PSD3: variants seen among roughly 807,000 people sequenced by gnomAD.
The protein encoded by PSD3 is pleckstrin and Sec7 domain containing 3.
PSD3 carries 49 observed loss-of-function variants against 105.5 expected under a neutral mutation model. The observed-to-expected ratio is 0.46, with a 90% confidence interval of 0.37 to 0.59. The LOEUF (loss-of-function observed/expected upper bound fraction) is 0.59, where lower values mean the gene tolerates loss of function less well. Among genes scored for constraint, PSD3 ranks in the 20% least tolerant of loss-of-function variants. PSD3 has a pLI of 0.00. For missense variants in PSD3, 1,561 were observed against 1,263.8 expected (o/e 1.24, Z -3.57); for synonymous variants, 557 against 457.8 (o/e 1.22, Z -2.77).
chr8:18,572,957 T>G (rs1241485457), intron 13 of PSD3, among the ~76,000 whole-genome samples: 1 of 152,176 alleles, frequency 6.6e-6, no homozygotes, highest in Non-Finnish European at 1.5e-5. Context: ...TACTTTCTGT[T>G]TGATACGAGG....
intron 4 of PSD3, among the ~76,000 whole-genome samples, chr8:18,838,388 A>G (rs1814310246): frequency 6.6e-6 from 1 of 152,222 alleles, no homozygotes; most frequent in Admixed American, 6.5e-5. Flanking sequence ...CTGCTTTACA[A>G]AAGCATTTCT....
At chr8:19,066,753 C>G (rs1450983700) in intron 1 of PSD3, among the ~76,000 whole-genome samples, 1 of 152,194 alleles carries the variant, frequency 6.6e-6, no homozygotes, top group Non-Finnish European at 1.5e-5. Flanking sequence ...CAAACATTAA[C>G]TGAAATAATG....
intron 9 of PSD3, among the ~76,000 whole-genome samples, chr8:18,666,216 T>G (rs1329734658): frequency 6.6e-6 from 1 of 152,290 alleles, no homozygotes; most frequent in East Asian, 1.9e-4. Flanking sequence ...GTGTCCTGTT[T>G]ATTTTTGTAT....
intron 1 of PSD3, among the ~76,000 whole-genome samples, chr8:19,081,323 A>G (rs897562428): frequency 1.3e-5 from 2 of 152,174 alleles, no homozygotes; most frequent in African/African-American, 4.8e-5. Flanking sequence ...CCTCTCCACC[A>G]GAGGAATTAG....
chr8:19,015,532 A>G (rs1173556620), upstream of PSD3, among the ~76,000 whole-genome samples: 1 of 152,210 alleles, frequency 6.6e-6, no homozygotes, highest in Admixed American at 6.5e-5. Flanking sequence ...AAGACCCAGT[A>G]CAAAATGTAG....
intron 1 of PSD3, among the ~76,000 whole-genome samples, chr8:19,070,385 A>C (rs77396384): frequency 0.26 from 36,177 of 138,810 alleles, 5,551 homozygotes; most frequent in South Asian, 0.36. Flanking sequence ...AAAAAAAAAA[A>C]CCCACAAAAA....
chr8:18,765,709 G>A (rs1382154809), intron 8 of PSD3, among the ~76,000 whole-genome samples, 171 bp from the exon 9 acceptor site: 5 of 152,026 alleles, frequency 3.3e-5, no homozygotes, highest in South Asian at 2.1e-4. Flanking sequence ...GGTGGATCAC[G>A]AGGTCAGGAG....
In PSD3 at chr8:18,876,602, G is replaced by C. The variant is rs577109851; in HGVS notation, c.131-3869C>G. Among the ~76,000 whole-genome samples, 5 of 152,064 alleles carry C rather than the reference G, an allele frequency of 3.3e-5. No individual in the cohort carries two copies. The East Asian group carries it at 9.7e-4, about 29-fold the overall frequency. Reference sequence around the variant, plus strand: ...TTTGGCAGAGATGGGGTTCCACCATGTTGCCCAGGCTAGTCTTGAACTCCT... The same window carrying C: ...TTTGGCAGAGATGGGGTTCCACCATCTTGCCCAGGCTAGTCTTGAACTCCT... On this transcript the variant is annotated intron_variant, in intron 2 of 15. Transcript: ENST00000327040.
At position 19,008,228 on chromosome 8, in the gene PSD3, G is replaced by A. The variant is rs147448580; in HGVS notation, c.21+5335C>T. 8.0e-3 allele frequency among the ~76,000 whole-genome samples: 1,221 copies of A among 151,780 alleles called. 15 individuals carry two copies. The highest frequency in any genetic ancestry group is 0.028 in the African/African-American group (1,151 of 41,094). On this transcript the variant is annotated intron_variant, in intron 1 of 15. Transcript: ENST00000327040. ...CTTTTGTAGCCACTAGAAATGAATC[G>A]GCGAAACATAAAAATCTGCCCAAAA... is the stretch of plus-strand genomic sequence containing the variant.
At chr8:18,658,019 T>A (rs952589971) in intron 9 of PSD3, among the ~76,000 whole-genome samples, 2 of 152,252 alleles carry the variant, frequency 1.3e-5, no homozygotes, top group Non-Finnish European at 2.9e-5. Flanking sequence ...ATTGTAAATT[T>A]AAAAATTCTT....
chr8:18,820,363 T>A (rs1812593279), intron 4 of PSD3, among the ~76,000 whole-genome samples: 1 of 152,182 alleles, frequency 6.6e-6, no homozygotes, highest in African/African-American at 2.4e-5. Flanking sequence ...TTTGATGTTG[T>A]TTGTTTTCAC....
chr8:18,948,905 G>C (rs890129313), intron 1 of PSD3, among the ~76,000 whole-genome samples: 10 of 151,818 alleles, frequency 6.6e-5, no homozygotes, highest in African/African-American at 1.9e-4. Flanking sequence ...TATATCTCTA[G>C]TTCCCTTAAC....
intron 1 of PSD3, among the ~76,000 whole-genome samples, chr8:19,009,090 A>G (rs1586622254): frequency 6.6e-6 from 1 of 152,254 alleles, no homozygotes. Flanking sequence ...ACACATAACT[A>G]CGTGGAACTC....
Position 18,897,058 on chromosome 8 carries a change from G to A in PSD3, c.131-24325C>T, listed in dbSNP as rs568729597. ...CTGACCTCAGGTGATCCGCCCACCT[G>A]AGCCTCCCAAAGTGCTGGGATTACA... On this transcript the variant is annotated intron_variant, in intron 2 of 15. Coordinates refer to ENST00000327040, the MANE Select transcript of PSD3 (RefSeq NM_015310.4). Among the ~76,000 whole-genome samples the A allele has an allele frequency of 2.2e-4, 34 of 151,472 alleles. No individual in the cohort carries two copies. The South Asian group carries it at 6.6e-3, about 29-fold the overall frequency.
chr8:18,756,789 C>G (rs565960510), intron 9 of PSD3, among the ~76,000 whole-genome samples: 3 of 147,936 alleles, frequency 2.0e-5, no homozygotes, highest in African/African-American at 7.4e-5. Flanking sequence ...ACCATAGGCA[C>G]AGGCCAAATA....
intron 9 of PSD3, among the ~76,000 whole-genome samples, chr8:18,665,164 A>G (rs1011186612): frequency 4.6e-5 from 7 of 152,380 alleles, no homozygotes; most frequent in Middle Eastern, 3.4e-3. Flanking sequence ...TAACTGCCAT[A>G]GATAGCGATT....
intron 9 of PSD3, among the ~76,000 whole-genome samples, chr8:18,709,993 G>C (rs1190578632): frequency 1.3e-5 from 2 of 152,190 alleles, no homozygotes; most frequent in African/African-American, 4.8e-5. Flanking sequence ...CTGAGCCTGA[G>C]ACAGATGAAG....
rs183322581 is a variant in PSD3, at chr8:19,072,165, G to A, written c.324+12041C>T. ...CGCCCAGGCTAGAGTGCAGTGGCAC[G>A]ATCTCTGCTCACTGCAGCCTCCACC... is the stretch of plus-strand genomic sequence containing the variant. On this transcript the variant is annotated intron_variant, in intron 1 of 1. Transcript: ENST00000521475. Among the ~76,000 whole-genome samples, 91 of 148,852 alleles carry A rather than the reference G, an allele frequency of 6.1e-4. 1 individual carries two copies. The East Asian group carries it at 0.012, about 19-fold the overall frequency.
chr8:18,829,129 C>T (rs1374482561), intron 4 of PSD3, among the ~76,000 whole-genome samples: 4 of 152,004 alleles, frequency 2.6e-5, no homozygotes, highest in Non-Finnish European at 5.9e-5. Flanking sequence ...TGTCTATGGT[C>T]TCAGCTCCTA....
Sources: allele counts gnomAD v4.1 joint callset (sites outside exome capture counted in the v4.1 genomes callset), GRCh38; gene constraint gnomAD v4.1.1; transcripts MANE v1.5; gene names NCBI Gene and HGNC (gene_info 2026-07-23, HGNC 2026-07-21).